The following CORT variants were observed in gnomAD, a reference collection of about 807,000 sequenced individuals.
CORT encodes cortistatin-14.
CORT carries 2 observed loss-of-function variants against 4.4 expected under a neutral mutation model. The ratio of observed to expected loss-of-function variants is 0.46; its 90% CI spans 0.19 to 1.44. The LOEUF (loss-of-function observed/expected upper bound fraction) is 1.44. Among genes scored for constraint, CORT ranks in the 40% most tolerant of loss-of-function variants. The pLI is 0.26. For synonymous variants in CORT, 72 were observed against 62.0 expected (o/e 1.16, Z -0.75); for missense variants, 158 against 140.2 (o/e 1.13, Z -0.64).
intron 1 of CORT, 118 bp from the exon 2 acceptor site, chr1:10,451,259 T>G: frequency 7.9e-7 from 1 of 1,263,672 alleles, no homozygotes; most frequent in Non-Finnish European, 1.0e-6. Context: ...TTCTCCAGGG[T>G]AGTCTTTTAG....
chr1:10,451,283 TTAAG>T, intron 1 of CORT, 90 bp from the exon 2 acceptor site: 1 of 1,388,692 alleles, frequency 7.2e-7, no homozygotes, highest in Non-Finnish European at 9.4e-7. Flanking sequence ...ATTTTTTTTT[TTAAG>T]TAAGGAGGAG....
At chr1:10,451,258 G>A (rs1640776040) in intron 1 of CORT, 119 bp from the exon 2 acceptor site, 2 of 1,261,564 alleles carry the variant, frequency 1.6e-6, no homozygotes, top group South Asian at 4.0e-5. Flanking sequence ...TTTCTCCAGG[G>A]TAGTCTTTTA....
chr1:10,450,698 C>T (rs1181975254), intron 1 of CORT, among the ~76,000 whole-genome samples: 2 of 152,178 alleles, frequency 1.3e-5, no homozygotes, highest in African/African-American at 4.8e-5. Context: ...GAGTAATTGG[C>T]ATCATTACAT....
At chr1:10,450,392 G>A in intron 1 of CORT, 70 bp downstream of exon 1, 2 of 1,386,916 alleles carry the variant, frequency 1.4e-6, no homozygotes, top group Non-Finnish European at 1.9e-6. Context: ...TGGCCTGCAT[G>A]GTGTGTGTGT....
At chr1:10,450,365 G>A (rs1179243177) in intron 1 of CORT, 43 bp downstream of exon 1, 4 of 1,435,414 alleles carry the variant, frequency 2.8e-6, no homozygotes, top group African/African-American at 2.9e-5. Flanking sequence ...CCCACTCTCT[G>A]TCTCTTGTTG....
At chr1:10,450,447 C>A in intron 1 of CORT, 125 bp downstream of exon 1, 1 of 1,087,634 alleles carries the variant, frequency 9.2e-7, no homozygotes, top group Non-Finnish European at 1.2e-6. Flanking sequence ...ACACACGGCT[C>A]AACTTTGTAG....
chr1:10,450,304 C>T lies in CORT; in HGVS notation c.81C>T (p.Pro27=). Reference sequence around the variant, plus strand: ...CTGCCCTGCCCCTGGAGGGTGGCCCCACCGGCCGAGACAGCGAGGTGAGTA... The same window carrying T: ...CTGCCCTGCCCCTGGAGGGTGGCCCTACCGGCCGAGACAGCGAGGTGAGTA... ...ATAALPLEGG[P]TGRDSEHMQE... is the part of the protein sequence containing the mutation. The change falls in exon 1 of 2, where the codon CCC becomes CCT. Residue 27 remains proline, a synonymous_variant. Transcript: ENST00000377049. 2 of 1,515,986 alleles carry T rather than the reference C, an allele frequency of 1.3e-6. No individual in the cohort carries two copies. The highest frequency in any genetic ancestry group is 1.8e-6 in the Non-Finnish European group (2 of 1,132,620). 93.9% of individuals were successfully genotyped at this position (1,515,986 alleles called of 1,614,324 possible).
Position 10,451,540 on chromosome 1 carries a change from G to C in CORT, c.263G>C (p.Arg88Pro). 1.2e-6 allele frequency: 2 copies of C among 1,613,900 alleles called. No individual in the cohort carries two copies. Among genetic ancestry groups the C allele is most frequent in the Non-Finnish European group, 1.7e-6 (2 of 1,179,982 alleles). The change falls in exon 2 of 2, where the codon CGG becomes CCG. Residue 88 changes from arginine to proline, a missense_variant. Coordinates refer to ENST00000377049, the MANE Select transcript of CORT (RefSeq NM_001302.5). ...EGAPPQQSAR[R>P]DRMPCRNFFW... ...GCACCCCCCCAGCAATCTGCGCGCC[G>C]GGACAGAATGCCCTGCAGGAACTTC...
intron 1 of CORT, 38 bp from the exon 2 acceptor site, chr1:10,451,339 G>T (rs1640778712): frequency 6.5e-7 from 1 of 1,540,174 alleles, no homozygotes; most frequent in African/African-American, 1.4e-5. Flanking sequence ...CCAGATTGCT[G>T]AGTTTTCTTT....
Position 10,451,489 on chromosome 1 carries a change from G to T in CORT, c.212G>T (p.Arg71Leu), listed in dbSNP as rs544551198. 6.2e-7 allele frequency: 1 copy of T among 1,614,080 alleles called. No individual in the cohort carries two copies. The highest frequency in any genetic ancestry group is 2.2e-5 in the East Asian group (1 of 44,884). ...GGGCCCCTCATAGGAGAGGAAGCCC[G>T]GGAGGTGGCCAGGCGGCAGGAAGGC... Reference protein sequence around the residue: ...SAGPLIGEEAREVARRQEGAP... With the variant: ...SAGPLIGEEALEVARRQEGAP... Residue 71 changes from arginine to leucine, a missense_variant, in exon 2 of 2, where the codon CGG (arginine) becomes CTG (leucine). Arg to Leu is a moderately radical substitution (Grantham distance 102, BLOSUM62 -2). Coordinates refer to ENST00000377049, the MANE Select transcript of CORT (RefSeq NM_001302.5).
At chr1:10,450,670 C>T (rs1380842748) in intron 1 of CORT, among the ~76,000 whole-genome samples, 1 of 152,220 alleles carries the variant, frequency 6.6e-6, no homozygotes, top group Non-Finnish European at 1.5e-5. Flanking sequence ...ATACATAGCA[C>T]AGGCTCCCAC....
chr1:10,451,541 G>T lies in CORT; in HGVS notation c.264G>T (p.Arg88=). 1 of 1,613,908 alleles carries T rather than the reference G, an allele frequency of 6.2e-7. No homozygotes were observed. The highest frequency in any genetic ancestry group is 8.5e-7 in the Non-Finnish European group (1 of 1,180,000). Residue 88 remains arginine (R), a synonymous_variant, in exon 2 of 2, where the codon CGG becomes CGT. Coordinates refer to ENST00000377049, the MANE Select transcript of CORT (RefSeq NM_001302.5). ...EGAPPQQSAR[R]DRMPCRNFFW... is the part of the protein sequence containing the mutation. ...CACCCCCCCAGCAATCTGCGCGCCGGGACAGAATGCCCTGCAGGAACTTCT... is the reference window on the plus strand; with the variant it reads ...CACCCCCCCAGCAATCTGCGCGCCGTGACAGAATGCCCTGCAGGAACTTCT...
chr1:10,451,309 T>G, intron 1 of CORT, 68 bp from the exon 2 acceptor site: 2 of 1,468,200 alleles, frequency 1.4e-6, no homozygotes, highest in Admixed American at 2.8e-5. Flanking sequence ...TTGCATATCT[T>G]TGAATGCTTG....
Position 10,451,508 on chromosome 1 carries a change from G to A in CORT, c.231G>A (p.Gln77=). The change falls in exon 2 of 2, where the codon CAG becomes CAA. Residue 77 remains glutamine, a synonymous_variant. Coordinates refer to ENST00000377049, the MANE Select transcript of CORT (RefSeq NM_001302.5). ...AAGCCCGGGAGGTGGCCAGGCGGCA[G>A]GAAGGCGCACCCCCCCAGCAATCTG... is the stretch of plus-strand genomic sequence containing the variant. ...GEEAREVARR[Q]EGAPPQQSAR... is the part of the protein sequence containing the mutation. 3.1e-6 allele frequency: 5 copies of A among 1,614,102 alleles called. No homozygotes were observed. Among genetic ancestry groups the A allele is most frequent in the Non-Finnish European group, 4.2e-6 (5 of 1,180,018 alleles).
In CORT at chr1:10,451,896, T is replaced by C. The variant is rs1391333831; in HGVS notation, c.*301T>C. 13 of 244,578 alleles carry C rather than the reference T, an allele frequency of 5.3e-5. No individual in the cohort carries two copies. The South Asian group carries it at 1.1e-3, about 21-fold the overall frequency. 15.2% of individuals were successfully genotyped at this position (244,578 alleles called of 1,614,324 possible). A position where few individuals can be genotyped will look rare whatever the true frequency, so the allele number is the denominator to read the frequency against. On this transcript the variant is annotated 3_prime_UTR_variant, in exon 2 of 2. Coordinates refer to ENST00000377049, the MANE Select transcript of CORT (RefSeq NM_001302.5). ...GATTTAAAATAAAATAGCTAAAGGC[T>C]ACACAATTAAGAGTTCAGAATAACA...
Position 10,450,075 on chromosome 1 carries a change from T to A in CORT, c.-149T>A. On this transcript the variant is annotated 5_prime_UTR_variant, in exon 1 of 2. The change abolishes an upstream ATG in the 5' untranslated region. Coordinates refer to ENST00000377049, the MANE Select transcript of CORT (RefSeq NM_001302.5). ...GGGAAGAGGATCCAGGCGTTAGACA[T>A]GTATAGACACAAAAACAGCTGGAGA... is the stretch of plus-strand genomic sequence containing the variant. 6.3e-7 allele frequency: 1 copy of A among 1,593,884 alleles called. No homozygotes were observed. The highest frequency in any genetic ancestry group is 8.5e-7 in the Non-Finnish European group (1 of 1,169,900).
Position 10,451,460 on chromosome 1 carries a change from T to C in CORT, c.183T>C (p.Ser61=), listed in dbSNP as rs775156999. The change falls in exon 2 of 2, where the codon AGT becomes AGC. Residue 61 remains serine (S), a synonymous_variant. Coordinates refer to ENST00000377049, the MANE Select transcript of CORT (RefSeq NM_001302.5). Reference sequence around the variant, plus strand: ...GGTTTGAGTGGACCTCCCAGGCCAGTGCCGGGCCCCTCATAGGAGAGGAAG... The same window carrying C: ...GGTTTGAGTGGACCTCCCAGGCCAGCGCCGGGCCCCTCATAGGAGAGGAAG... ...AWWFEWTSQA[S]AGPLIGEEAR... The C allele has an allele frequency of 2.5e-5, 41 of 1,614,008 alleles. No individual in the cohort carries two copies. Among genetic ancestry groups the C allele is most frequent in the Non-Finnish European group, 3.1e-5 (36 of 1,179,992 alleles).
Position 10,451,746 on chromosome 1 carries a change from G to A in CORT, c.*151G>A. ...AATGCCCAATACTGACGTGTCTTGA[G>A]TAATTTGGAACCCAAAGTGAAGATC... On this transcript the variant is annotated 3_prime_UTR_variant, in exon 2 of 2. Transcript: ENST00000377049. 1 of 1,285,060 alleles carries A rather than the reference G, an allele frequency of 7.8e-7. No homozygotes were observed. Among genetic ancestry groups the A allele is most frequent in the Non-Finnish European group, 1.0e-6 (1 of 972,182 alleles). The allele number at this position is 1,285,060 out of a possible 1,614,324, so 79.6% of individuals were successfully genotyped here.
Position 10,450,147 on chromosome 1 carries a change from C to T in CORT, c.-77C>T, listed in dbSNP as rs1256838472. The T allele has an allele frequency of 6.2e-7, 1 of 1,610,336 alleles. No homozygotes were observed. The highest frequency in any genetic ancestry group is 1.1e-5 in the South Asian group (1 of 89,768). ...AGCTCCAAAGAAGAGACCCAAGTCC[C>T]CAAAACATTGATTTCAGGGCTGCCA... On this transcript the variant is annotated 5_prime_UTR_variant, in exon 1 of 2. Transcript: ENST00000377049.
Sources: allele counts gnomAD v4.1 joint callset (sites outside exome capture counted in the v4.1 genomes callset), GRCh38; gene constraint gnomAD v4.1.1; transcripts MANE v1.5; gene names NCBI Gene and HGNC (gene_info 2026-07-23, HGNC 2026-07-21).